Variants in PUM1 observed in about 807,000 individuals in gnomAD.
PUM1 encodes the protein pumilio RNA binding family member 1, also known as pumilio homolog 1.
Under a neutral mutation model 131.8 loss-of-function variants are expected in PUM1, and 13 were observed. The ratio of observed to expected loss-of-function variants is 0.10; its 90% CI spans 0.06 to 0.16. The LOEUF (loss-of-function observed/expected upper bound fraction) is 0.16. Ranked by LOEUF, PUM1 falls within the 10% of genes least tolerant of loss-of-function variation. The pLI, the probability that PUM1 is intolerant of heterozygous loss-of-function variation, is 1.00. For missense variants in PUM1, 961 were observed against 1,512.4 expected (o/e 0.64, Z 6.05); for synonymous variants, 509 against 556.5 (o/e 0.91, Z 1.20).
chr1:31,055,216 T>C (rs1644210103), intron 2 of PUM1: 2 of 384,588 alleles, frequency 5.2e-6, no homozygotes, highest in Non-Finnish European at 1.0e-5. Context: ...TGCTCTTCAA[T>C]TATGCTACCC....
chr1:30,952,373 A>G lies in PUM1; in HGVS notation c.2592-10T>C, dbSNP rs767847718. 1.9e-6 allele frequency: 3 copies of G among 1,613,734 alleles called. No individual in the cohort carries two copies. The Admixed American group carries it at 5.0e-5, about 27-fold the overall frequency. ...TTTCAGCTGAATGAATCTGAAGTAC[A>G]AAGTAAAAAGGGCAATCACAGCACT... On this transcript the variant is annotated splice_polypyrimidine_tract_variant and intron_variant, in intron 15 of 21. Coordinates refer to ENST00000426105, the MANE Select transcript of PUM1 (RefSeq NM_001020658.2).
intron 5 of PUM1, among the ~76,000 whole-genome samples, chr1:30,998,855 A>C (rs7536851): frequency 0.28 from 43,271 of 152,030 alleles, 7,998 homozygotes; most frequent in East Asian, 0.53. Context: ...TATCAGGTTC[A>C]AGATCCTTAA....
intron 18 of PUM1, among the ~76,000 whole-genome samples, chr1:30,942,477 A>G (rs2124391844): frequency 6.6e-6 from 1 of 152,018 alleles, no homozygotes; most frequent in South Asian, 2.1e-4. Context: ...TCCAAAAGAC[A>G]GCGCTAACAA....
At chr1:31,024,807 C>T (rs1472152963) in intron 3 of PUM1, among the ~76,000 whole-genome samples, 2 of 152,318 alleles carry the variant, frequency 1.3e-5, no homozygotes, top group East Asian at 3.9e-4. Context: ...AGTAACAATG[C>T]TGCCAACCTA....
chr1:31,002,282 T>C (rs1642243886), intron 5 of PUM1, among the ~76,000 whole-genome samples: 1 of 152,176 alleles, frequency 6.6e-6, no homozygotes, highest in Non-Finnish European at 1.5e-5. Context: ...AGATGTATAC[T>C]ACGAATGTGT....
intron 14 of PUM1, among the ~76,000 whole-genome samples, chr1:30,958,379 T>C (rs1003925123): frequency 6.6e-6 from 1 of 152,214 alleles, no homozygotes; most frequent in Non-Finnish European, 1.5e-5. Flanking sequence ...TACTATTATA[T>C]ATTTCATTTC....
chr1:30,992,055 A>G (rs1046242120), intron 7 of PUM1, among the ~76,000 whole-genome samples: 1 of 152,238 alleles, frequency 6.6e-6, no homozygotes, highest in Non-Finnish European at 1.5e-5. Context: ...AACCAACAGC[A>G]TCACAACCAC....
rs373325617 is a variant in PUM1 at position 30,978,106 on chromosome 1, G to A, written c.1354+1956C>T. Among the ~76,000 whole-genome samples, 5 of 152,094 alleles carry A rather than the reference G, an allele frequency of 3.3e-5. 1 individual carries two copies. The South Asian group carries it at 6.2e-4, about 19-fold the overall frequency. On this transcript the variant is annotated intron_variant, in intron 9 of 21. Transcript: ENST00000426105. ...CTAAAAATACAAAAATTAGCCAGGCGTGGTGGTGGGTGCCTGTAGTCCCAG... is the reference window on the plus strand; with the variant it reads ...CTAAAAATACAAAAATTAGCCAGGCATGGTGGTGGGTGCCTGTAGTCCCAG...
At chr1:30,989,702 G>C (rs745774721) in intron 7 of PUM1, among the ~76,000 whole-genome samples, 2 of 149,462 alleles carry the variant, frequency 1.3e-5, no homozygotes, top group African/African-American at 4.9e-5. Flanking sequence ...CTCATCACTT[G>C]TCATCGAGTA....
chr1:31,038,972 A>ATTTTTTTTTTTTTTTTTTTTTTTTTTT (rs1557599132), intron 2 of PUM1, among the ~76,000 whole-genome samples: 2 of 30,100 alleles, frequency 6.6e-5, no homozygotes, highest in African/African-American at 5.7e-4. Context: ...ATATATATAT[A>ATTTTTTTTTTTTTTTTTTTTTTTTTTT]TATATATATA....
chr1:30,991,264 G>A lies in PUM1; in HGVS notation c.1158+1126C>T, dbSNP rs116131607. Among the ~76,000 whole-genome samples, 157 of 152,240 alleles carry A rather than the reference G, an allele frequency of 1.0e-3. 1 individual carries two copies. The highest frequency in any genetic ancestry group is 3.4e-3 in the African/African-American group (143 of 41,538). ...AGGCATACCTACTAAGAACTGCACG[G>A]AGAAGAGTGTACACTTTCAGTTTAC... is the stretch of plus-strand genomic sequence containing the variant. On this transcript the variant is annotated intron_variant, in intron 7 of 21. Transcript: ENST00000426105.
intron 21 of PUM1, chr1:30,935,688 T>C: frequency 2.5e-6 from 1 of 402,966 alleles, no homozygotes; most frequent in Non-Finnish European, 4.9e-6. Flanking sequence ...GGGTGTCTTG[T>C]CTGGCTCAGA....
intron 3 of PUM1, among the ~76,000 whole-genome samples, chr1:31,008,402 A>ACC (rs1642472238): frequency 1.3e-5 from 2 of 152,124 alleles, no homozygotes; most frequent in South Asian, 4.1e-4. Flanking sequence ...GATTGAGAAA[A>ACC]AAAAAAAACA....
At chr1:30,965,039 C>T in intron 13 of PUM1, 129 bp from the exon 14 acceptor site, 1 of 696,916 alleles carries the variant, frequency 1.4e-6, no homozygotes, top group Non-Finnish European at 2.5e-6. Flanking sequence ...GACAGCCTAA[C>T]TGTTAATGTA....
intron 2 of PUM1, among the ~76,000 whole-genome samples, chr1:31,040,405 T>A (rs1268731320): frequency 6.6e-6 from 1 of 152,174 alleles, no homozygotes; most frequent in Non-Finnish European, 1.5e-5. Flanking sequence ...GAGATGAAGA[T>A]ACATTAGTTG....
chr1:30,939,981 C>T (rs866551128), intron 20 of PUM1, among the ~76,000 whole-genome samples: 7 of 151,992 alleles, frequency 4.6e-5, no homozygotes, highest in Non-Finnish European at 7.4e-5. Flanking sequence ...GAGACTGACC[C>T]GAAGAAGAGA....
intron 2 of PUM1, among the ~76,000 whole-genome samples, chr1:31,053,181 A>G (rs1221503451): frequency 6.7e-6 from 1 of 150,056 alleles, no homozygotes; most frequent in Non-Finnish European, 1.5e-5. Context: ...TAATTTTTGT[A>G]TTTTTAGTAG....
chr1:31,017,288 G>C (rs1642852281), intron 3 of PUM1, among the ~76,000 whole-genome samples: 1 of 152,124 alleles, frequency 6.6e-6, no homozygotes, highest in Non-Finnish European at 1.5e-5. Context: ...CCTAATAATG[G>C]AGTATAGACT....
chr1:31,045,217 C>T (rs959482256), intron 2 of PUM1, among the ~76,000 whole-genome samples: 5 of 151,968 alleles, frequency 3.3e-5, no homozygotes, highest in South Asian at 2.1e-4. Flanking sequence ...CTGTAACCTC[C>T]GCCCCGACAG....
Sources: allele counts gnomAD v4.1 joint callset (sites outside exome capture counted in the v4.1 genomes callset), GRCh38; gene constraint gnomAD v4.1.1; transcripts MANE v1.5; gene names NCBI Gene and HGNC (gene_info 2026-07-23, HGNC 2026-07-21).